Variants in PCDH7 observed in about 807,000 individuals in gnomAD.
The protein encoded by PCDH7 is protocadherin 7.
A neutral mutation model predicts 58.9 loss-of-function variants in PCDH7; 17 were observed. The observed-to-expected ratio is 0.29, with a 90% CI of 0.20 to 0.43. The LOEUF is 0.43. Among genes scored for constraint, PCDH7 ranks in the 20% least tolerant of loss-of-function variants. The pLI, the probability that PCDH7 is intolerant of heterozygous loss-of-function variation, is 1.00. For synonymous variants in PCDH7, 664 were observed against 616.4 expected (o/e 1.08, Z -1.14); for missense variants, 1,274 against 1,441.0 (o/e 0.88, Z 1.88).
rs1727885539 is a variant in PCDH7, at chr4:30,817,804, C to T, written c.70+93208C>T. On this transcript the variant is annotated intron_variant, in intron 1 of 3. Transcript: ENST00000509759. ...AAAAGACTCCAAATTGGTCTCCCTGCTTCCAACCCTGGCCCCTACAGCACT... is the reference window on the plus strand; with the variant it reads ...AAAAGACTCCAAATTGGTCTCCCTGTTTCCAACCCTGGCCCCTACAGCACT... Among the ~76,000 whole-genome samples the T allele has an allele frequency of 2.0e-5, 3 of 152,142 alleles. No homozygotes were observed. In the South Asian group the frequency reaches 6.2e-4, roughly 31 times the overall value.
At chr4:30,770,132 G>A (rs1313432413) in intron 1 of PCDH7, among the ~76,000 whole-genome samples, 1 of 152,172 alleles carries the variant, frequency 6.6e-6, no homozygotes, top group Non-Finnish European at 1.5e-5. Context: ...GATGACTCAG[G>A]TACACCATGC....
chr4:30,873,685 G>T (rs1243795440), intron 1 of PCDH7, among the ~76,000 whole-genome samples: 3 of 151,906 alleles, frequency 2.0e-5, no homozygotes, highest in Admixed American at 1.3e-4. Flanking sequence ...GTATTTTGCT[G>T]GGTATTTTTA....
rs746072234 is a variant in PCDH7 at position 30,722,547 on chromosome 4, C to G, written c.1125C>G (p.Arg375=). The change falls in exon 1 of 2, where the codon CGC becomes CGG. Residue 375 remains arginine (R), a synonymous_variant. Coordinates refer to ENST00000361762, the Ensembl canonical transcript of PCDH7. The surrounding 1 kb of genome is among the most constrained non-coding windows in gnomAD (Gnocchi z 7.6). ...TCAGCGTCCTGCACCGGATCGACCG[C>G]GAGGAGGTGAACCAGCTGCGCTTCA... 3.1e-6 allele frequency: 5 copies of G among 1,612,288 alleles called. No homozygotes were observed. The highest frequency in any genetic ancestry group is 2.7e-5 in the African/African-American group (2 of 74,948).
chr4:31,070,093 C>T (rs529224096), intron 3 of PCDH7, among the ~76,000 whole-genome samples: 1 of 151,858 alleles, frequency 6.6e-6, no homozygotes, highest in Admixed American at 6.6e-5. Context: ...AAATGTATTC[C>T]GTGCCTAAAG....
At chr4:30,895,655 T>G (rs1392695776) in intron 1 of PCDH7, among the ~76,000 whole-genome samples, 1 of 152,064 alleles carries the variant, frequency 6.6e-6, no homozygotes, top group African/African-American at 2.4e-5. Flanking sequence ...GCAGCTACCT[T>G]GCAAAGAATC....
chr4:30,785,926 C>T (rs148510967), intron 1 of PCDH7, among the ~76,000 whole-genome samples: 230 of 152,082 alleles, frequency 1.5e-3, no homozygotes, highest in Non-Finnish European at 2.5e-3. Flanking sequence ...GTACCACCAT[C>T]GAATTGGAAA....
intron 1 of PCDH7, among the ~76,000 whole-genome samples, chr4:30,749,133 G>T (rs2109256257): frequency 6.6e-6 from 1 of 152,216 alleles, no homozygotes; most frequent in Non-Finnish European, 1.5e-5. Flanking sequence ...TGGAGATAAT[G>T]AATCCAAGAT....
intron 1 of PCDH7, among the ~76,000 whole-genome samples, chr4:30,746,338 C>T (rs1717776744): frequency 6.6e-6 from 1 of 152,116 alleles, no homozygotes; most frequent in Non-Finnish European, 1.5e-5. Context: ...AATCCTAATT[C>T]AATCTGGTTT....
intron 2 of PCDH7, among the ~76,000 whole-genome samples, chr4:30,928,172 A>G (rs1744130217): frequency 6.6e-6 from 1 of 152,050 alleles, no homozygotes; most frequent in Non-Finnish European, 1.5e-5. Context: ...GGATCCTTCC[A>G]TCTTGGCCCT....
intron 2 of PCDH7, among the ~76,000 whole-genome samples, chr4:30,937,203 C>T (rs1460836736): frequency 6.6e-6 from 1 of 151,960 alleles, no homozygotes; most frequent in South Asian, 2.1e-4. Flanking sequence ...CTAATATTCT[C>T]AGTAATGTTG....
intron 3 of PCDH7, among the ~76,000 whole-genome samples, chr4:31,087,922 CT>C (rs1712684498): frequency 6.6e-6 from 1 of 151,948 alleles, no homozygotes; most frequent in Non-Finnish European, 1.5e-5. Context: ...AAAAGCACTC[CT>C]TTAAATGCTT....
At chr4:30,842,840 T>C (rs992656326) in intron 1 of PCDH7, among the ~76,000 whole-genome samples, 15 of 152,130 alleles carry the variant, frequency 9.9e-5, no homozygotes, top group African/African-American at 3.4e-4. Flanking sequence ...AGGGGGCACG[T>C]TGGATAGAGT....
chr4:31,039,458 A>G (rs1319385480), intron 3 of PCDH7, among the ~76,000 whole-genome samples: 2 of 152,154 alleles, frequency 1.3e-5, no homozygotes, highest in African/African-American at 2.4e-5. Context: ...GTTCACAGGC[A>G]TGACTGTGGT....
chr4:31,093,523 G>A (rs1713538309), intron 3 of PCDH7, among the ~76,000 whole-genome samples: 2 of 151,952 alleles, frequency 1.3e-5, no homozygotes, highest in South Asian at 4.1e-4. Flanking sequence ...AACAACATAA[G>A]GCCCATATTT....
intron 1 of PCDH7, among the ~76,000 whole-genome samples, chr4:30,809,752 A>G (rs1726736252): frequency 6.6e-6 from 1 of 152,174 alleles, no homozygotes; most frequent in African/African-American, 2.4e-5. Flanking sequence ...CAAGGGACAC[A>G]GATTTTTCCG....
At chr4:30,792,154 T>C (rs1261040024) in intron 1 of PCDH7, among the ~76,000 whole-genome samples, 1 of 152,220 alleles carries the variant, frequency 6.6e-6, no homozygotes. Flanking sequence ...AGTCAGTGGC[T>C]TTCATTGGAA....
At chr4:30,826,641 G>A (rs1729121109) in intron 1 of PCDH7, among the ~76,000 whole-genome samples, 1 of 152,058 alleles carries the variant, frequency 6.6e-6, no homozygotes, top group South Asian at 2.1e-4. Flanking sequence ...ACCCAATGTT[G>A]TAGACCATGA....
At chr4:30,832,711 T>G (rs1729954183) in intron 1 of PCDH7, among the ~76,000 whole-genome samples, 1 of 152,276 alleles carries the variant, frequency 6.6e-6, no homozygotes, top group East Asian at 1.9e-4. Flanking sequence ...TCAAGAAACT[T>G]TGATGGTCCT....
At chr4:30,809,703 T>C (rs904190926) in intron 1 of PCDH7, among the ~76,000 whole-genome samples, 3 of 152,210 alleles carry the variant, frequency 2.0e-5, no homozygotes, top group Non-Finnish European at 4.4e-5. Flanking sequence ...CTTGTGAATA[T>C]TCACTAACCT....
Sources: allele counts gnomAD v4.1 joint callset (sites outside exome capture counted in the v4.1 genomes callset), GRCh38; gene constraint gnomAD v4.1.1; non-coding constraint Gnocchi (gnomAD v3.1); transcripts MANE v1.5; gene names NCBI Gene and HGNC (gene_info 2026-07-23, HGNC 2026-07-21).